The following KCNMA1 variants were observed in gnomAD, a reference collection of about 807,000 sequenced individuals.
KCNMA1 encodes the protein potassium calcium-activated channel subfamily M alpha 1, also known as Calcium-activated potassium channel subunit alpha-1.
A neutral mutation model predicts 140.0 loss-of-function variants in KCNMA1; 29 were observed. The ratio of observed to expected loss-of-function variants is 0.21; its 90% confidence interval spans 0.15 to 0.28. The LOEUF is 0.28. KCNMA1 is among the 10% of genes least tolerant of loss of function. The pLI is 1.00. For missense variants in KCNMA1, 880 were observed against 1,602.2 expected (o/e 0.55, Z 7.70); for synonymous variants, 612 against 611.9 (o/e 1.00, Z 0.00).
At chr10:77,041,035 A>G (rs1247753) in intron 14 of KCNMA1, among the ~76,000 whole-genome samples, 142,945 of 152,210 alleles carry the variant, frequency 0.94, 67,242 homozygotes, top group African/African-American at 0.98. Context: ...AGGCTGGAGT[A>G]CAGTGGTGGG....
At chr10:76,943,765 G>T (rs2063208521) in intron 23 of KCNMA1, among the ~76,000 whole-genome samples, 1 of 152,146 alleles carries the variant, frequency 6.6e-6, no homozygotes, top group African/African-American at 2.4e-5. Context: ...ATGTCAAGTT[G>T]ACAAAAAATA....
chr10:77,624,306 G>C (rs1012434285), intron 1 of KCNMA1, among the ~76,000 whole-genome samples: 13 of 152,100 alleles, frequency 8.5e-5, no homozygotes, highest in African/African-American at 3.1e-4. Flanking sequence ...AAGATGTTCT[G>C]AACCATTCCC....
chr10:77,527,495 T>A (rs1251277491), intron 1 of KCNMA1, among the ~76,000 whole-genome samples: 1 of 152,152 alleles, frequency 6.6e-6, no homozygotes, highest in Non-Finnish European at 1.5e-5. Flanking sequence ...CAGAGCCAAC[T>A]CAGGGTCACT....
At chr10:77,476,423 C>G (rs2098279582) in intron 1 of KCNMA1, among the ~76,000 whole-genome samples, 1 of 152,096 alleles carries the variant, frequency 6.6e-6, no homozygotes, top group African/African-American at 2.4e-5. Context: ...GCTGCTCTGC[C>G]CTTTGCAAGC....
chr10:77,199,257 T>A (rs188792426), intron 3 of KCNMA1, among the ~76,000 whole-genome samples: 74 of 152,322 alleles, frequency 4.9e-4, no homozygotes, highest in African/African-American at 1.8e-3. Context: ...TGTCTCTGAG[T>A]TTTTTTCTTT....
chr10:77,334,340 T>C (rs976092963), intron 2 of KCNMA1, among the ~76,000 whole-genome samples: 1 of 152,232 alleles, frequency 6.6e-6, no homozygotes, highest in African/African-American at 2.4e-5. Context: ...GTTTTTGTTC[T>C]GTGTATCAAG....
Position 77,168,127 on chromosome 10 carries a change from C to T in KCNMA1, c.808+15294G>A, listed in dbSNP as rs188231454. 1.5e-3 allele frequency among the ~76,000 whole-genome samples: 221 copies of T among 152,156 alleles called. 2 individuals carry two copies. The highest frequency in any genetic ancestry group is 1.8e-3 in the Admixed American group (28 of 15,280). On this transcript the variant is annotated intron_variant, in intron 5 of 27. Coordinates refer to ENST00000286628, the MANE Select transcript of KCNMA1 (RefSeq NM_001161352.2). ...TCACATGTATGAGTTACTACTAAAC[C>T]GTGGGTATATAGTAGTAATTAAAAG...
intron 3 of KCNMA1, among the ~76,000 whole-genome samples, chr10:77,188,659 T>C (rs1433928822): frequency 6.6e-6 from 1 of 152,204 alleles, no homozygotes; most frequent in Non-Finnish European, 1.5e-5. Flanking sequence ...TTTAGATGCC[T>C]CTACAGAGGA....
intron 2 of KCNMA1, among the ~76,000 whole-genome samples, chr10:77,337,435 A>G (rs2089477919): frequency 6.6e-6 from 1 of 152,188 alleles, no homozygotes; most frequent in Non-Finnish European, 1.5e-5. Context: ...CATGGGCAAC[A>G]TAGTGAAACC....
intron 19 of KCNMA1, among the ~76,000 whole-genome samples, chr10:76,971,311 G>C (rs1026082503): frequency 1.3e-5 from 2 of 152,158 alleles, no homozygotes; most frequent in East Asian, 3.9e-4. Context: ...TTAGATGGGG[G>C]AGAAAGTGCC....
At chr10:77,499,456 C>T (rs201518586) in intron 1 of KCNMA1, among the ~76,000 whole-genome samples, 51 of 148,850 alleles carry the variant, frequency 3.4e-4, no homozygotes, top group East Asian at 1.2e-3. Flanking sequence ...CACACACACA[C>T]ATATATATAT....
intron 5 of KCNMA1, among the ~76,000 whole-genome samples, chr10:77,143,004 A>G (rs1302423394): frequency 6.6e-6 from 1 of 152,220 alleles, no homozygotes; most frequent in Non-Finnish European, 1.5e-5. Context: ...TTTATGGTGG[A>G]AATAATACCA....
intron 20 of KCNMA1, among the ~76,000 whole-genome samples, chr10:76,964,160 C>A (rs1269531914): frequency 6.6e-6 from 1 of 151,852 alleles, no homozygotes; most frequent in African/African-American, 2.4e-5. Context: ...CTCTCCCCAT[C>A]TCCCACTTGA....
intron 23 of KCNMA1, among the ~76,000 whole-genome samples, chr10:76,920,875 CT>C (rs2055465328): frequency 1.3e-5 from 2 of 152,200 alleles, no homozygotes. Flanking sequence ...CAGATAACAA[CT>C]GGGACCCATT....
chr10:77,405,815 C>CAA (rs1312078229), intron 1 of KCNMA1, among the ~76,000 whole-genome samples: 1 of 152,082 alleles, frequency 6.6e-6, no homozygotes, highest in African/African-American at 2.4e-5. Context: ...TCTGCAGTGA[C>CAA]AAAGGGGGCG....
intron 3 of KCNMA1, among the ~76,000 whole-genome samples, chr10:77,220,289 G>A (rs1036122941): frequency 3.3e-5 from 5 of 152,162 alleles, no homozygotes; most frequent in African/African-American, 1.2e-4. Flanking sequence ...TTTGCTCAAA[G>A]TCACACCACT....
chr10:77,443,963 T>A (rs1453101795), intron 1 of KCNMA1, among the ~76,000 whole-genome samples: 3 of 152,194 alleles, frequency 2.0e-5, no homozygotes, highest in Non-Finnish European at 4.4e-5. Context: ...GATATCCCAA[T>A]AACCCTGATT....
At chr10:77,587,695 C>A in intron 1 of KCNMA1, 1 of 985,346 alleles carries the variant, frequency 1.0e-6, no homozygotes, top group Non-Finnish European at 1.2e-6. Flanking sequence ...ATCAGATCTG[C>A]TCCCAGTAAT....
intron 1 of KCNMA1, among the ~76,000 whole-genome samples, chr10:77,532,566 C>G (rs561731289): frequency 6.6e-6 from 1 of 152,324 alleles, no homozygotes; most frequent in East Asian, 1.9e-4. Flanking sequence ...CAAGAACCAG[C>G]CAATGGCCAA....
Sources: gnomAD v4.1 joint callset for allele counts (sites outside exome capture counted in the v4.1 genomes callset) on GRCh38, gnomAD v4.1.1 for gene constraint, MANE v1.5 for transcripts, NCBI Gene and HGNC (gene_info 2026-07-23, HGNC 2026-07-21) for gene names.